OR2T6: variants seen among roughly 807,000 people sequenced by gnomAD.
OR2T6 encodes the protein olfactory receptor 2T6.
For synonymous variants in OR2T6, 174 were observed against 148.0 expected (o/e 1.18, Z -1.27); for missense variants, 424 against 391.6 (o/e 1.08, Z -0.70).
rs551132202 is a variant in OR2T6, at chr1:248,388,448, C to G, written c.840C>G (p.Ile280Met). The G allele has an allele frequency of 3.7e-6, 6 of 1,613,008 alleles. No individual in the cohort carries two copies. Among genetic ancestry groups the G allele is most frequent in the East Asian group, 2.2e-5 (1 of 44,866 alleles). Reference sequence around the variant, plus strand: ...AGGTCTTCTCTGCCTTTTATACCATCCTCACACCCTTATTAAACCCTCTCA... The same window carrying G: ...AGGTCTTCTCTGCCTTTTATACCATGCTCACACCCTTATTAAACCCTCTCA... The part of the protein sequence containing the change: ...KDKVFSAFYT[I>M]LTPLLNPLIY... The change falls in exon 3 of 3, where the codon ATC becomes ATG. Residue 280 changes from isoleucine (I) to methionine (M), a missense_variant. Transcript: ENST00000641644.
Position 248,387,872 on chromosome 1 carries a change from C to T in OR2T6, c.264C>T (p.Gly88=), listed in dbSNP as rs151042656. The change falls in exon 3 of 3, where the codon GGC becomes GGT. Residue 88 remains glycine (G), a synonymous_variant. Transcript: ENST00000641644. The part of the protein sequence containing the change: ...VPKMLVDYLM[G]EGTISFIACT... ...AGATGCTGGTAGATTATCTCATGGG[C>T]GAGGGGACCATCTCTTTCATCGCCT... 1.6e-4 allele frequency: 253 copies of T among 1,596,334 alleles called. 1 individual carries two copies. The African/African-American group carries it at 2.8e-3, about 17-fold the overall frequency.
Position 248,387,750 on chromosome 1 carries a change from C to T in OR2T6, c.142C>T (p.Leu48=). The change falls in exon 3 of 3, where the codon CTG becomes TTG. Residue 48 remains leucine, a synonymous_variant. Coordinates refer to ENST00000641644, the MANE Select transcript of OR2T6 (RefSeq NM_001005471.2). ...AMIANGVMIF[L]INIDPHLHTP... is the part of the protein sequence containing the mutation. Reference sequence around the variant, plus strand: ...GATAGCTAATGGGGTCATGATCTTCCTGATTAACATAGACCCTCATCTCCA... The same window carrying T: ...GATAGCTAATGGGGTCATGATCTTCTTGATTAACATAGACCCTCATCTCCA... 6.2e-7 allele frequency: 1 copy of T among 1,613,896 alleles called. No individual in the cohort carries two copies. Among genetic ancestry groups the T allele is most frequent in the Non-Finnish European group, 8.5e-7 (1 of 1,179,878 alleles).
rs71538200 is a variant in OR2T6, at chr1:248,383,639, A to T, written c.-158-1072A>T. Among the ~76,000 whole-genome samples, 129 of 53,868 alleles carry T rather than the reference A, an allele frequency of 2.4e-3. 2 individuals are homozygous for T. Among genetic ancestry groups the T allele is most frequent in the African/African-American group, 7.9e-3 (66 of 8,346 alleles). 35.3% of individuals were successfully genotyped at this position (53,868 alleles called of 152,430 possible). ...CCTGAGTGTGCTCATCCTATCCTGA[A>T]GTGTTTCCTAATGTTATTGTCATGG... On this transcript the variant is annotated intron_variant, in intron 1 of 2. Coordinates refer to ENST00000641644, the MANE Select transcript of OR2T6 (RefSeq NM_001005471.2).
At position 248,388,136 on chromosome 1, in the gene OR2T6, C is replaced by A. The variant is rs1329335549; in HGVS notation, c.528C>A (p.His176Gln). Residue 176 changes from histidine (H) to glutamine (Q), a missense_variant, in exon 3 of 3, where the codon CAC becomes CAA. Coordinates refer to ENST00000641644, the MANE Select transcript of OR2T6 (RefSeq NM_001005471.2). ...TCTGTGCCTCTCACCAAATCAATCACTTTTTCTGTGAGGCACCCACCATGC... is the reference window on the plus strand; with the variant it reads ...TCTGTGCCTCTCACCAAATCAATCAATTTTTCTGTGAGGCACCCACCATGC... ...LPFCASHQIN[H>Q]FFCEAPTMLR... 1 of 1,613,836 alleles carries A rather than the reference C, an allele frequency of 6.2e-7. No homozygotes were observed. Among genetic ancestry groups the A allele is most frequent in the Non-Finnish European group, 8.5e-7 (1 of 1,180,010 alleles).
chr1:248,381,878 A>G (rs1157106001), intron 1 of OR2T6, among the ~76,000 whole-genome samples: 3 of 152,132 alleles, frequency 2.0e-5, no homozygotes, highest in Admixed American at 1.3e-4. Context: ...TTATCTCAGA[A>G]TGTCTTCCTG....
intron 1 of OR2T6, among the ~76,000 whole-genome samples, chr1:248,384,079 C>T (rs1319006077): frequency 1.8e-5 from 1 of 55,364 alleles, no homozygotes; most frequent in Non-Finnish European, 3.2e-5. Context: ...ATGGGTAAAG[C>T]ACTGCACTAG....
intron 1 of OR2T6, among the ~76,000 whole-genome samples, chr1:248,378,614 C>A (rs1224504555): frequency 6.6e-6 from 1 of 152,032 alleles, no homozygotes; most frequent in Admixed American, 6.6e-5. Flanking sequence ...AGTTGTTGAG[C>A]CTTGTTTTTT....
chr1:248,386,432 C>G (rs772978315), intron 2 of OR2T6, among the ~76,000 whole-genome samples: 2 of 152,164 alleles, frequency 1.3e-5, no homozygotes, highest in Non-Finnish European at 2.9e-5. Flanking sequence ...ACAGAAAGCA[C>G]AACCTGGTCT....
rs1660950953 is a variant in OR2T6, at chr1:248,377,164, A to G, written c.-159+1110A>G. 2.0e-5 allele frequency among the ~76,000 whole-genome samples: 3 copies of G among 152,204 alleles called. No individual in the cohort carries two copies. The South Asian group carries it at 6.2e-4, about 32-fold the overall frequency. ...ACTTCCTGTGAGGTTAGAAGGGACC[A>G]AGTGGCCTACATATTCCTATTGCCT... On this transcript the variant is annotated intron_variant, in intron 1 of 2. Coordinates refer to ENST00000641644, the MANE Select transcript of OR2T6 (RefSeq NM_001005471.2).
chr1:248,377,639 C>T (rs1660958195), intron 1 of OR2T6, among the ~76,000 whole-genome samples: 1 of 152,216 alleles, frequency 6.6e-6, no homozygotes, highest in Non-Finnish European at 1.5e-5. Flanking sequence ...CTCTGGTAAC[C>T]ATCCGAGTGT....
rs1485609513 is a variant in OR2T6 at position 248,390,781 on chromosome 1, T to G, written c.*2246T>G. On this transcript the variant is annotated 3_prime_UTR_variant, in exon 3 of 3. Transcript: ENST00000641644. ...AAGGAGAGGGCTGGCCCATAAGAAC[T>G]GATCATCAGTTTCAGCTCCACGTAA... 1 of 152,180 alleles carries G rather than the reference T, an allele frequency of 6.6e-6. No homozygotes were observed. The highest frequency in any genetic ancestry group is 2.4e-5 in the African/African-American group (1 of 41,448). 9.4% of individuals were successfully genotyped at this position (152,180 alleles called of 1,614,324 possible).
In OR2T6 at chr1:248,388,062, G is replaced by A. The variant is rs751986094; in HGVS notation, c.454G>A (p.Gly152Arg). ...GATCCTGGCCAGCTCTTGGTTCGGT[G>A]GGGCTTTGGACAGTTTTCTCCTCAC... is the stretch of plus-strand genomic sequence containing the variant. ...WMILASSWFG[G>R]ALDSFLLTPI... The change falls in exon 3 of 3, where the codon GGG (glycine) becomes AGG (arginine). Residue 152 changes from glycine to arginine, a missense_variant. By Grantham distance (125) the Gly-to-Arg change is moderately radical (BLOSUM62 -2). Coordinates refer to ENST00000641644, the MANE Select transcript of OR2T6 (RefSeq NM_001005471.2). 7.4e-6 allele frequency: 12 copies of A among 1,614,002 alleles called. No homozygotes were observed. Among genetic ancestry groups the A allele is most frequent in the Non-Finnish European group, 1.0e-5 (12 of 1,179,996 alleles).
In OR2T6 at chr1:248,388,730, T is replaced by C; in HGVS notation, c.*195T>C. On this transcript the variant is annotated 3_prime_UTR_variant, in exon 3 of 3. Transcript: ENST00000641644. ...TGCTGTAACAGTCACACACAAATAA[T>C]GCCAGAGTTCTAGAAACACCACTCA... 2.1e-6 allele frequency: 1 copy of C among 473,428 alleles called. No individual in the cohort carries two copies. Among genetic ancestry groups the C allele is most frequent in the Non-Finnish European group, 3.7e-6 (1 of 270,522 alleles). The allele number at this position is 473,428 out of a possible 1,614,324, so 29.3% of individuals were successfully genotyped here. A position where few individuals can be genotyped will look rare whatever the true frequency, so the allele number is the denominator to read the frequency against.
rs145299770 is a variant in OR2T6, at chr1:248,388,515, A to G, written c.907A>G (p.Arg303Gly). Residue 303 changes from arginine (R) to glycine (G), a missense_variant, in exon 3 of 3, where the codon AGA (arginine) becomes GGA (glycine). Physicochemically the swap from Arg to Gly is moderately radical, Grantham distance 125 (BLOSUM62 -2). Transcript: ENST00000641644. ...RNRDVMGALK[R>G]VVARC ...CAGGGATGTGATGGGTGCCTTGAAG[A>G]GAGTTGTGGCAAGATGTTAGGGGAC... 2.7e-5 allele frequency: 42 copies of G among 1,574,838 alleles called. No homozygotes were observed. The highest frequency in any genetic ancestry group is 3.4e-5 in the Non-Finnish European group (40 of 1,162,096).
Position 248,391,411 on chromosome 1 carries a change from AC to A in OR2T6, c.*2877del, listed in dbSNP as rs1477159866. On this transcript the variant is annotated 3_prime_UTR_variant, in exon 3 of 3. Transcript: ENST00000641644. ...CCAGCTGCATGACATCCTGGAAAAA[AC>A]AAAACTGTGGATACAGGAAAAAGAT... is the stretch of plus-strand genomic sequence containing the variant. The A allele has an allele frequency of 1.3e-5, 2 of 152,224 alleles. No homozygotes were observed. The highest frequency in any genetic ancestry group is 4.8e-5 in the African/African-American group (2 of 41,462). The allele number at this position is 152,224 out of a possible 1,614,324, so 9.4% of individuals were successfully genotyped here. A position where few individuals can be genotyped will look rare whatever the true frequency, so the allele number is the denominator to read the frequency against.
chr1:248,384,955 A>G (rs1365135946), intron 2 of OR2T6, 91 bp downstream of exon 2: 1 of 152,084 alleles, frequency 6.6e-6, no homozygotes, highest in African/African-American at 2.4e-5. Flanking sequence ...GTTAGCTAGC[A>G]TTTTTCCTTG....
In OR2T6 at chr1:248,388,560, G is replaced by T. The variant is rs1661192756; in HGVS notation, c.*25G>T. 4.0e-6 allele frequency: 6 copies of T among 1,516,722 alleles called. No homozygotes were observed. Among genetic ancestry groups the T allele is most frequent in the African/African-American group, 1.4e-5 (1 of 72,008 alleles). The allele number at this position is 1,516,722 out of a possible 1,614,324, so 94.0% of individuals were successfully genotyped here. A position where few individuals can be genotyped will look rare whatever the true frequency, so the allele number is the denominator to read the frequency against. On this transcript the variant is annotated 3_prime_UTR_variant, in exon 3 of 3. Transcript: ENST00000641644. ...GGGGACATGTGGTGTGATGAGGAAAGAATTCTGATGGTCTAAAACCTCCAC... is the reference window on the plus strand; with the variant it reads ...GGGGACATGTGGTGTGATGAGGAAATAATTCTGATGGTCTAAAACCTCCAC...
chr1:248,380,587 T>G (rs1344346577), intron 1 of OR2T6, among the ~76,000 whole-genome samples: 1 of 152,044 alleles, frequency 6.6e-6, no homozygotes, highest in Non-Finnish European at 1.5e-5. Context: ...AGAATTACAT[T>G]ATTAGAGGTT....
chr1:248,379,223 G>C (rs1472394785), intron 1 of OR2T6, among the ~76,000 whole-genome samples: 3 of 152,170 alleles, frequency 2.0e-5, no homozygotes. Context: ...ATATGTTGTT[G>C]ATATTATGAG....
Sources: allele counts gnomAD v4.1 joint callset (sites outside exome capture counted in the v4.1 genomes callset), GRCh38; gene constraint gnomAD v4.1.1; transcripts MANE v1.5; gene names NCBI Gene and HGNC (gene_info 2026-07-23, HGNC 2026-07-21).